MCOLN2: variants seen among roughly 807,000 people sequenced by gnomAD.
MCOLN2 encodes mucolipin-2.
In MCOLN2, 57 loss-of-function variants were observed where a neutral mutation model predicts 67.5. That is an observed-to-expected ratio of 0.84 (90% confidence interval 0.68 to 1.05). MCOLN2 has a LOEUF of 1.05. Ranked by LOEUF, MCOLN2 falls within the 50% of genes least tolerant of loss-of-function variation. MCOLN2 has a pLI of 0.00. For synonymous variants in MCOLN2, 246 were observed against 233.3 expected, an observed-to-expected ratio of 1.05 and a Z score of -0.50; for missense variants, 620 against 678.8, an observed-to-expected ratio of 0.91 and a Z score of 0.96.
rs1647633329 is a variant in MCOLN2, at chr1:84,939,617, A to C, written c.1046T>G (p.Leu349Arg). Residue 349 changes from leucine to arginine, a missense_variant, in exon 9 of 14, where the codon CTG becomes CGG. Coordinates refer to ENST00000370608, the MANE Select transcript of MCOLN2 (RefSeq NM_153259.4). The part of the protein sequence containing the change: ...QWEFINGWYV[L>R]VIISDLMTII... ...TGTCATTAGGTCGCTGATAATCACC[A>C]GGACATACCAGCCGTTGATGAACTC... 1 of 1,614,052 alleles carries C rather than the reference A, an allele frequency of 6.2e-7. No homozygotes were observed. The highest frequency in any genetic ancestry group is 2.2e-5 in the East Asian group (1 of 44,882).
intron 7 of MCOLN2, among the ~76,000 whole-genome samples, chr1:84,946,753 C>T (rs589332): frequency 0.22 from 33,873 of 152,042 alleles, 3,937 homozygotes; most frequent in South Asian, 0.3. Flanking sequence ...TACAAGATCA[C>T]AGGCACAGTA....
intron 1 of MCOLN2, among the ~76,000 whole-genome samples, chr1:84,987,502 A>ATC (rs1557665622): frequency 3.2e-5 from 1 of 31,240 alleles, no homozygotes; most frequent in Non-Finnish European, 5.8e-5. Context: ...ATGTATACAT[A>ATC]GATGTATACA....
intron 1 of MCOLN2, among the ~76,000 whole-genome samples, chr1:84,974,460 C>T (rs535572169): frequency 2.0e-5 from 3 of 151,854 alleles, no homozygotes; most frequent in East Asian, 2.0e-4. Flanking sequence ...TCAGCCACAG[C>T]ATGATAGGGT....
At chr1:84,964,619 G>A (rs1283964930) in intron 2 of MCOLN2, among the ~76,000 whole-genome samples, 1 of 152,018 alleles carries the variant, frequency 6.6e-6, no homozygotes, top group Admixed American at 6.6e-5. Flanking sequence ...AATATATAAT[G>A]AAACAATTAT....
At chr1:84,969,595 A>AAAAAG (rs1421001686) in intron 1 of MCOLN2, among the ~76,000 whole-genome samples, 4 of 151,834 alleles carry the variant, frequency 2.6e-5, no homozygotes, top group African/African-American at 9.6e-5. Flanking sequence ...AAAAGAAATG[A>AAAAAG]AAAAGCAATC....
At chr1:84,940,351 T>C (rs1647688360) in intron 8 of MCOLN2, among the ~76,000 whole-genome samples, 1 of 152,128 alleles carries the variant, frequency 6.6e-6, no homozygotes, top group Admixed American at 6.6e-5. Context: ...ACAGCCAGAA[T>C]AAGATATGTG....
In MCOLN2 at chr1:84,931,502, T is replaced by C. The variant is rs1390153071; in HGVS notation, c.1402A>G (p.Thr468Ala). 1 of 1,613,926 alleles carries C rather than the reference T, an allele frequency of 6.2e-7. No individual in the cohort carries two copies. Residue 468 changes from threonine (T) to alanine (A), a missense_variant, in exon 12 of 14, where the codon ACC becomes GCC. Physicochemically the swap from Thr to Ala is moderately conservative, Grantham distance 58. Transcript: ENST00000370608. ...CTCTTCTGCTGGATTTGGGCAAAGG[T>C]TGCAAACATGTCATCACCGTTGACC... is the stretch of plus-strand genomic sequence containing the variant. ...SLVNGDDMFA[T>A]FAQIQQKSIL...
At chr1:84,950,814 A>G (rs1389242507) in intron 6 of MCOLN2, among the ~76,000 whole-genome samples, 1 of 152,110 alleles carries the variant, frequency 6.6e-6, no homozygotes, top group Non-Finnish European at 1.5e-5. Flanking sequence ...TACCATCCTC[A>G]TTTCTATACC....
chr1:84,945,130 G>T (rs555278711), intron 7 of MCOLN2, among the ~76,000 whole-genome samples: 1 of 152,148 alleles, frequency 6.6e-6, no homozygotes, highest in African/African-American at 2.4e-5. Context: ...GGCCACAGGA[G>T]GGGGCTAGAG....
intron 1 of MCOLN2, among the ~76,000 whole-genome samples, chr1:84,987,128 A>C (rs1271774919): frequency 6.6e-6 from 1 of 151,812 alleles, no homozygotes; most frequent in Non-Finnish European, 1.5e-5. Context: ...ACCAGCCCAG[A>C]TGCTCATCAA....
At chr1:84,955,888 T>G (rs1171039601) in intron 4 of MCOLN2, among the ~76,000 whole-genome samples, 1 of 152,158 alleles carries the variant, frequency 6.6e-6, no homozygotes, top group Non-Finnish European at 1.5e-5. Flanking sequence ...ACAAAAAGTC[T>G]TAAGCCAAAC....
At chr1:84,970,367 A>G (rs1384327204) in intron 1 of MCOLN2, among the ~76,000 whole-genome samples, 1 of 151,720 alleles carries the variant, frequency 6.6e-6, no homozygotes, top group Non-Finnish European at 1.5e-5. Context: ...AAGGCATTTA[A>G]TCAAATACTT....
intron 1 of MCOLN2, among the ~76,000 whole-genome samples, chr1:84,987,455 CATATATGTATATATAGATATATATA>C (rs1650597702): frequency 1.0e-5 from 1 of 97,452 alleles, no homozygotes; most frequent in Admixed American, 1.1e-4. Flanking sequence ...TACATATATA[CATATATGTATATATAGATATATATA>C]CATATATACA....
At chr1:84,942,861 A>G (rs1299519126) in intron 7 of MCOLN2, among the ~76,000 whole-genome samples, 1 of 152,096 alleles carries the variant, frequency 6.6e-6, no homozygotes, top group East Asian at 1.9e-4. Flanking sequence ...CCCCCTTACC[A>G]TGTGATGCCC....
chr1:84,957,393 TACG>T (rs1648851281), intron 3 of MCOLN2, among the ~76,000 whole-genome samples: 1 of 152,218 alleles, frequency 6.6e-6, no homozygotes, highest in Admixed American at 6.5e-5. Flanking sequence ...TCTTCATTAA[TACG>T]ACTTTACTAT....
chr1:84,973,662 T>C (rs1031358578), intron 1 of MCOLN2, among the ~76,000 whole-genome samples: 2 of 152,124 alleles, frequency 1.3e-5, no homozygotes, highest in African/African-American at 4.8e-5. Flanking sequence ...ATGTATCATC[T>C]AGTTTCCGTG....
chr1:84,932,340 T>C (rs1342812865), intron 11 of MCOLN2, among the ~76,000 whole-genome samples: 3 of 152,048 alleles, frequency 2.0e-5, no homozygotes, highest in Non-Finnish European at 4.4e-5. Context: ...GCCTCCCAAA[T>C]AGATGGGATT....
At chr1:84,949,892 G>C (rs886644922) in intron 6 of MCOLN2, among the ~76,000 whole-genome samples, 3 of 152,162 alleles carry the variant, frequency 2.0e-5, no homozygotes, top group African/African-American at 7.2e-5. Context: ...CAAAAGCTGA[G>C]GGAATTTTCA....
At chr1:84,987,131 C>T (rs2102885966) in intron 1 of MCOLN2, among the ~76,000 whole-genome samples, 1 of 151,588 alleles carries the variant, frequency 6.6e-6, no homozygotes, top group South Asian at 2.1e-4. Flanking sequence ...AGCCCAGATG[C>T]TCATCAATCA....
Sources: allele counts gnomAD v4.1 joint callset (sites outside exome capture counted in the v4.1 genomes callset), GRCh38; gene constraint gnomAD v4.1.1; transcripts MANE v1.5; gene names NCBI Gene and HGNC (gene_info 2026-07-23, HGNC 2026-07-21).